CAPZB: variants seen among roughly 807,000 people sequenced by gnomAD.
CAPZB encodes capping actin protein of muscle Z-line subunit beta.
CAPZB carries 2 observed loss-of-function variants against 38.1 expected under a neutral mutation model. The observed-to-expected ratio is 0.05, with a 90% CI of 0.02 to 0.17. The LOEUF is 0.17. Among genes scored for constraint, CAPZB ranks in the 10% least tolerant of loss-of-function variants. CAPZB has a pLI of 1.00. For missense variants in CAPZB, 161 were observed against 334.2 expected (o/e 0.48, Z 4.04); for synonymous variants, 107 against 127.4 (o/e 0.84, Z 1.08).
chr1:19,426,466 G>A (rs917656161), intron 1 of CAPZB, among the ~76,000 whole-genome samples: 9 of 151,806 alleles, frequency 5.9e-5, no homozygotes, highest in African/African-American at 2.2e-4. Flanking sequence ...TGTCCCCTCC[G>A]CCTTGGAACC....
intron 4 of CAPZB, among the ~76,000 whole-genome samples, chr1:19,360,287 C>T (rs140603327): frequency 2.0e-5 from 3 of 152,164 alleles, no homozygotes; most frequent in Non-Finnish European, 2.9e-5. Context: ...CCCTTTCAGT[C>T]GGCTTACAGG....
intron 4 of CAPZB, among the ~76,000 whole-genome samples, chr1:19,359,248 G>A (rs2094039605): frequency 1.7e-5 from 2 of 119,120 alleles, no homozygotes; most frequent in Admixed American, 1.0e-4. Context: ...TTTACAGTAA[G>A]TCATACCATT....
rs2094019508 is a variant in CAPZB, at chr1:19,356,070, G to A, written c.588+565C>T. ...AAGATGGATAAGAGAGAGGTATCCA[G>A]TAGGGCACTTCTGAAATTTCAATGT... On this transcript the variant is annotated intron_variant, in intron 6 of 8. Coordinates refer to ENST00000264202, the MANE Select transcript of CAPZB (RefSeq NM_004930.5). This position sits in a 1 kb window ranked among gnomAD's most constrained non-coding sequence, Gnocchi z 4.3. 6.6e-6 allele frequency among the ~76,000 whole-genome samples: 1 copy of A among 152,172 alleles called. No individual in the cohort carries two copies. Among genetic ancestry groups the A allele is most frequent in the African/African-American group, 2.4e-5 (1 of 41,436 alleles).
intron 2 of CAPZB, among the ~76,000 whole-genome samples, chr1:19,406,042 C>A (rs10917445): frequency 3.9e-5 from 6 of 152,160 alleles, no homozygotes; most frequent in African/African-American, 1.4e-4. Flanking sequence ...AGGCTCTGTG[C>A]GTGCTATGAC....
At chr1:19,370,131 C>T (rs1318269284) in intron 4 of CAPZB, among the ~76,000 whole-genome samples, 1 of 152,228 alleles carries the variant, frequency 6.6e-6, no homozygotes, top group Non-Finnish European at 1.5e-5. Flanking sequence ...GCCTGTGCGC[C>T]TCTCCCCACT....
At chr1:19,342,752 C>T (rs1384882111) in intron 8 of CAPZB, 2 of 1,601,528 alleles carry the variant, frequency 1.2e-6, no homozygotes, top group Non-Finnish European at 1.7e-6. Flanking sequence ...GGCAGGGTAC[C>T]TGGATCGGCT....
intron 2 of CAPZB, among the ~76,000 whole-genome samples, chr1:19,398,893 T>G (rs2094288019): frequency 7.4e-6 from 1 of 134,640 alleles, no homozygotes; most frequent in Non-Finnish European, 1.6e-5. Context: ...TTTTTTTTTT[T>G]GTCACCCAGG....
At chr1:19,360,597 C>T (rs547203357) in intron 4 of CAPZB, among the ~76,000 whole-genome samples, 3 of 152,356 alleles carry the variant, frequency 2.0e-5, no homozygotes, top group South Asian at 4.1e-4. Context: ...CGACACCCTC[C>T]GGTGACCAGT....
intron 8 of CAPZB, among the ~76,000 whole-genome samples, chr1:19,341,133 A>C (rs1019044728): frequency 1.3e-5 from 2 of 152,228 alleles, no homozygotes; most frequent in Non-Finnish European, 2.9e-5. Context: ...GCTGCATACA[A>C]CTGAAAAAAC....
intron 1 of CAPZB, among the ~76,000 whole-genome samples, chr1:19,423,322 C>T (rs140965091): frequency 1.3e-5 from 2 of 152,080 alleles, no homozygotes; most frequent in Middle Eastern, 3.4e-3. Context: ...GGAGTCATCC[C>T]AAACCCTAAG....
At chr1:19,422,729 A>AAAC (rs60458604) in intron 1 of CAPZB, among the ~76,000 whole-genome samples, 28,613 of 150,296 alleles carry the variant, frequency 0.19, 3,031 homozygotes, top group African/African-American at 0.28. Flanking sequence ...TCCATCTCAA[A>AAAC]AACAACAACA....
chr1:19,468,251 C>T (rs2094574869), intron 1 of CAPZB, among the ~76,000 whole-genome samples: 1 of 152,162 alleles, frequency 6.6e-6, no homozygotes, highest in South Asian at 2.1e-4. Context: ...TCTATATTTT[C>T]AAACTTTTCC....
chr1:19,362,707 T>C (rs1437871035), intron 4 of CAPZB, among the ~76,000 whole-genome samples: 1 of 151,822 alleles, frequency 6.6e-6, no homozygotes, highest in Non-Finnish European at 1.5e-5. Flanking sequence ...CATGAGCTTT[T>C]CCTAGGCTTC....
At chr1:19,447,856 C>T (rs189638741) in intron 1 of CAPZB, among the ~76,000 whole-genome samples, 2 of 152,222 alleles carry the variant, frequency 1.3e-5, no homozygotes, top group South Asian at 2.1e-4. Flanking sequence ...TCTAAGCAAT[C>T]GGCAACTAAC....
chr1:19,350,190 C>G (rs1403800088), intron 6 of CAPZB, among the ~76,000 whole-genome samples: 1 of 152,294 alleles, frequency 6.6e-6, no homozygotes, highest in Non-Finnish European at 1.5e-5. Flanking sequence ...CTAGCGCGAC[C>G]CGCAGGGCGT....
intron 2 of CAPZB, among the ~76,000 whole-genome samples, chr1:19,411,097 ACTTTGGGAGGC>A (rs1212946571): frequency 1.1e-4 from 16 of 152,122 alleles, no homozygotes; most frequent in Admixed American, 1.0e-3. Context: ...TAATCCCAGA[ACTTTGGGAGGC>A]CAAGGTGGAA....
intron 2 of CAPZB, among the ~76,000 whole-genome samples, chr1:19,390,183 A>G (rs1379854576): frequency 6.6e-6 from 1 of 152,070 alleles, no homozygotes; most frequent in Admixed American, 6.5e-5. Context: ...CCCCCTACTC[A>G]TGTCGAGTGC....
At chr1:19,440,734 G>C (rs896483825) in intron 1 of CAPZB, among the ~76,000 whole-genome samples, 2 of 152,184 alleles carry the variant, frequency 1.3e-5, no homozygotes, top group African/African-American at 4.8e-5. Context: ...CCTGAAGACA[G>C]ACTATTACAG....
At position 19,449,847 on chromosome 1, in the gene CAPZB, G is replaced by T. The variant is rs560243738; in HGVS notation, c.4-30097C>A. 2.0e-5 allele frequency among the ~76,000 whole-genome samples: 3 copies of T among 150,794 alleles called. No homozygotes were observed. The East Asian group carries it at 5.8e-4, about 29-fold the overall frequency. On this transcript the variant is annotated intron_variant, in intron 1 of 8. Transcript: ENST00000264202. ...AGAAAGAGAGCGAGAGAAAGAGAAA[G>T]AAAAAAATATAGGCTGGGCACAGTA... is the stretch of plus-strand genomic sequence containing the variant.
Sources: gnomAD v4.1 joint callset for allele counts (sites outside exome capture counted in the v4.1 genomes callset) on GRCh38, gnomAD v4.1.1 for gene constraint, Gnocchi (gnomAD v3.1) non-coding constraint, MANE v1.5 for transcripts, NCBI Gene and HGNC (gene_info 2026-07-23, HGNC 2026-07-21) for gene names.